Variants in PCDH15 observed in about 807,000 individuals in gnomAD.
The protein encoded by PCDH15 is protocadherin-15.
Under a neutral mutation model 178.5 loss-of-function variants are expected in PCDH15, and 129 were observed. The ratio of observed to expected loss-of-function variants is 0.72; its 90% confidence interval spans 0.63 to 0.84. PCDH15 has a LOEUF of 0.84. Among genes scored for constraint, PCDH15 ranks in the 40% least tolerant of loss-of-function variants. PCDH15 has a pLI of 0.00. For missense variants in PCDH15, 2,230 were observed against 2,099.9 expected, an observed-to-expected ratio of 1.06 and a Z score of -1.21; for synonymous variants, 800 against 732.0, an observed-to-expected ratio of 1.09 and a Z score of -1.50.
chr10:54,309,725 G>A (rs769895196), intron 8 of PCDH15, among the ~76,000 whole-genome samples: 2 of 151,936 alleles, frequency 1.3e-5, no homozygotes, highest in Non-Finnish European at 2.9e-5. Flanking sequence ...GAACACAGGA[G>A]GCATAGGTTG....
intron 2 of PCDH15, among the ~76,000 whole-genome samples, chr10:54,631,910 C>A (rs1035433329): frequency 1.3e-5 from 2 of 151,986 alleles, no homozygotes; most frequent in Non-Finnish European, 2.9e-5. Context: ...GGGAAACCGC[C>A]CCCGTGATTC....
intron 1 of PCDH15, among the ~76,000 whole-genome samples, chr10:55,318,664 T>A (rs1843795447): frequency 6.6e-6 from 1 of 151,964 alleles, no homozygotes; most frequent in African/African-American, 2.4e-5. Context: ...TAATTGAAAA[T>A]CAAAATGTAA....
At chr10:53,812,692 T>C (rs1202911248) in intron 35 of PCDH15, among the ~76,000 whole-genome samples, 1 of 152,214 alleles carries the variant, frequency 6.6e-6, no homozygotes, top group African/African-American at 2.4e-5. Context: ...ATGCAATTTC[T>C]CTACATTTCC....
chr10:55,393,332 C>G (rs78234266), intron 2 of PCDH15, among the ~76,000 whole-genome samples: 4 of 152,064 alleles, frequency 2.6e-5, no homozygotes, highest in Non-Finnish European at 4.4e-5. Context: ...AGTCTAGACA[C>G]CACACTGTAG....
intron 2 of PCDH15, among the ~76,000 whole-genome samples, chr10:55,152,153 A>G (rs889601715): frequency 6.6e-6 from 1 of 152,150 alleles, no homozygotes; most frequent in Admixed American, 6.6e-5. Flanking sequence ...GGGTGCCAAA[A>G]TTCAGATGTT....
At chr10:54,261,271 ACATTTTT>A (rs1051205548) in intron 8 of PCDH15, among the ~76,000 whole-genome samples, 8 of 152,126 alleles carry the variant, frequency 5.3e-5, no homozygotes, top group Admixed American at 1.3e-4. Context: ...GAAAATTTAA[ACATTTTT>A]ATAAAAAAGC....
intron 26 of PCDH15, among the ~76,000 whole-genome samples, chr10:53,875,205 A>G (rs4287256): frequency 0.64 from 96,729 of 151,888 alleles, 31,521 homozygotes; most frequent in Middle Eastern, 0.78. Context: ...TGCAAACAGG[A>G]TAAATAACAA....
intron 1 of PCDH15, among the ~76,000 whole-genome samples, chr10:54,706,884 A>G (rs1403711343): frequency 6.6e-6 from 1 of 152,196 alleles, no homozygotes; most frequent in Non-Finnish European, 1.5e-5. Flanking sequence ...GGCCTCCCAA[A>G]GTGCTGGGAT....
At chr10:54,014,468 A>G (rs970375474) in intron 20 of PCDH15, among the ~76,000 whole-genome samples, 1 of 152,190 alleles carries the variant, frequency 6.6e-6, no homozygotes, top group Non-Finnish European at 1.5e-5. Flanking sequence ...ACAACAAAAA[A>G]GAAAACTTCA....
At chr10:54,842,859 G>C (rs1953442825) in intron 3 of PCDH15, among the ~76,000 whole-genome samples, 2 of 151,860 alleles carry the variant, frequency 1.3e-5, no homozygotes, top group African/African-American at 4.8e-5. Context: ...CTTTCATATG[G>C]AAATTCCAGG....
In PCDH15 at chr10:55,203,482, C is replaced by A. The variant is rs139700909; in HGVS notation, c.-155-36831G>T. Among the ~76,000 whole-genome samples the A allele has an allele frequency of 2.8e-3, 426 of 151,818 alleles. 4 individuals carry two copies. Among genetic ancestry groups the A allele is most frequent in the African/African-American group, 9.8e-3 (406 of 41,296 alleles). ...AACAGAAAATACGATATTTGACTTGCCTGTGGTGAGATGTGAGTCATCAGA... is the reference window on the plus strand; with the variant it reads ...AACAGAAAATACGATATTTGACTTGACTGTGGTGAGATGTGAGTCATCAGA... On this transcript the variant is annotated intron_variant, in intron 1 of 5. Transcript: ENST00000458638.
At chr10:54,089,957 T>C (rs1442974573) in intron 16 of PCDH15, 27 bp downstream of exon 16, 15 of 1,552,900 alleles carry the variant, frequency 9.7e-6, no homozygotes, top group Non-Finnish European at 1.2e-5. Flanking sequence ...TACATTTTTT[T>C]AAAGTAGGAA....
At chr10:54,413,783 A>G (rs945331618) in intron 3 of PCDH15, among the ~76,000 whole-genome samples, 3 of 152,148 alleles carry the variant, frequency 2.0e-5, no homozygotes, top group Admixed American at 2.0e-4. Context: ...AAGTGAGAAC[A>G]TGCGGTATTA....
intron 3 of PCDH15, among the ~76,000 whole-genome samples, chr10:54,400,847 G>A (rs1322699140): frequency 2.0e-5 from 3 of 151,806 alleles, no homozygotes; most frequent in Admixed American, 2.0e-4. Flanking sequence ...AGAGGGAGAG[G>A]AGAGAGAAAG....
At chr10:55,518,930 TAAAAATACA>T (rs1841085988) in intron 2 of PCDH15, among the ~76,000 whole-genome samples, 1 of 151,334 alleles carries the variant, frequency 6.6e-6, no homozygotes, top group African/African-American at 2.4e-5. Context: ...CCGTCTCTAC[TAAAAATACA>T]AAAAATTAGC....
chr10:54,022,997 G>T lies in PCDH15; in HGVS notation c.2421C>A (p.Ile807=). The T allele has an allele frequency of 6.2e-7, 1 of 1,613,944 alleles. No individual in the cohort carries two copies. Residue 807 remains isoleucine (I), a synonymous_variant, in exon 19 of 38, where the codon ATC becomes ATA. Coordinates refer to ENST00000644397, the MANE Select transcript of PCDH15 (RefSeq NM_001384140.1). The part of the protein sequence containing the change: ...HPRHSTLTLA[I]KVLDIDDNSP... Reference sequence around the variant, plus strand: ...TGTTATCATCAATGTCCAAAACCTTGATGGCCAAGGTTAGAGTTGAATGAC... The same window carrying T: ...TGTTATCATCAATGTCCAAAACCTTTATGGCCAAGGTTAGAGTTGAATGAC...
At chr10:54,718,684 C>CTTTTTT (rs71461255) in intron 1 of PCDH15, among the ~76,000 whole-genome samples, 34 of 111,516 alleles carry the variant, frequency 3.0e-4, no homozygotes, top group African/African-American at 3.7e-4. Context: ...CACACTGATT[C>CTTTTTT]TTTTTTTTTT....
intron 8 of PCDH15, among the ~76,000 whole-genome samples, chr10:54,279,276 G>A (rs1241288532): frequency 1.3e-5 from 2 of 151,358 alleles, no homozygotes; most frequent in Admixed American, 1.3e-4. Context: ...TGTTCTATTG[G>A]TACAATATCT....
intron 3 of PCDH15, among the ~76,000 whole-genome samples, chr10:54,465,386 CTCTT>C (rs2077450794): frequency 6.6e-6 from 1 of 152,016 alleles, no homozygotes; most frequent in South Asian, 2.1e-4. Flanking sequence ...TTAACCTACT[CTCTT>C]TATCCTTCCC....
Sources: gnomAD v4.1 joint callset for allele counts (sites outside exome capture counted in the v4.1 genomes callset) on GRCh38, gnomAD v4.1.1 for gene constraint, MANE v1.5 for transcripts, NCBI Gene and HGNC (gene_info 2026-07-23, HGNC 2026-07-21) for gene names.